ATP8A1: variants seen among roughly 807,000 people sequenced by gnomAD.
ATP8A1 encodes the protein phospholipid-transporting ATPase IA.
A neutral mutation model predicts 177.7 loss-of-function variants in ATP8A1; 90 were observed. The observed-to-expected ratio is 0.51, with a 90% CI of 0.43 to 0.60. The LOEUF is 0.60. Ranked by LOEUF, ATP8A1 falls within the 20% of genes least tolerant of loss-of-function variation. The pLI is 0.00. For missense variants in ATP8A1, 1,072 were observed against 1,392.8 expected, an observed-to-expected ratio of 0.77 and a Z score of 3.67; for synonymous variants, 493 against 485.9, an observed-to-expected ratio of 1.01 and a Z score of -0.19.
intron 19 of ATP8A1, 147 bp from the exon 20 acceptor site, chr4:42,544,133 C>T (rs1193378113): frequency 1.6e-6 from 1 of 632,790 alleles, no homozygotes; most frequent in African/African-American, 1.9e-5. Context: ...CACAAACTAT[C>T]CCTTGGGTGT....
chr4:42,619,059 T>TC (rs1737190850), intron 4 of ATP8A1, among the ~76,000 whole-genome samples: 2 of 151,632 alleles, frequency 1.3e-5, no homozygotes, highest in Non-Finnish European at 2.9e-5. Flanking sequence ...ATTTTTTTGT[T>TC]TTTTTTTTGA....
At chr4:42,641,934 C>T (rs1740033454) in intron 1 of ATP8A1, among the ~76,000 whole-genome samples, 1 of 152,102 alleles carries the variant, frequency 6.6e-6, no homozygotes, top group Non-Finnish European at 1.5e-5. Context: ...GTTTAACTGG[C>T]ACCTGCTTCT....
intron 16 of ATP8A1, among the ~76,000 whole-genome samples, chr4:42,555,645 G>A (rs574499141): frequency 1.2e-4 from 18 of 152,124 alleles, no homozygotes; most frequent in African/African-American, 1.7e-4. Flanking sequence ...CCAACATGGC[G>A]AAACCCTGTC....
In ATP8A1 at chr4:42,422,918, AG is replaced by A; in HGVS notation, c.3213-20del. 6.3e-7 allele frequency: 1 copy of A among 1,579,240 alleles called. No homozygotes were observed. On this transcript the variant is annotated intron_variant, in intron 34 of 36. Coordinates refer to ENST00000381668, the MANE Select transcript of ATP8A1 (RefSeq NM_006095.2). ...CTTGATACTGCAAAAAGAAAAAAAA[AG>A]GGATTTGCATGGAAATACTTCTGTG...
At chr4:42,507,262 A>G in intron 22 of ATP8A1, 108 bp from the exon 23 acceptor site, 4 of 1,172,966 alleles carry the variant, frequency 3.4e-6, no homozygotes, top group African/African-American at 1.5e-5. Flanking sequence ...ATGATAATTC[A>G]TGGACTTTGG....
intron 30 of ATP8A1, among the ~76,000 whole-genome samples, chr4:42,448,529 T>A (rs1717555109): frequency 6.7e-6 from 1 of 149,536 alleles, no homozygotes; most frequent in South Asian, 2.1e-4. Context: ...TCTTGAGTAG[T>A]TGGGGTTACA....
chr4:42,568,957 A>G (rs1025864611), intron 15 of ATP8A1, among the ~76,000 whole-genome samples: 1 of 152,132 alleles, frequency 6.6e-6, no homozygotes, highest in Non-Finnish European at 1.5e-5. Flanking sequence ...TAATCTATAA[A>G]CTACATGTTT....
chr4:42,643,242 GA>G (rs1740186799), intron 1 of ATP8A1, among the ~76,000 whole-genome samples: 1 of 152,062 alleles, frequency 6.6e-6, no homozygotes, highest in Non-Finnish European at 1.5e-5. Flanking sequence ...AAATTCTAAA[GA>G]ATATTCAGAG....
chr4:42,418,615 C>T (rs2153166627), intron 35 of ATP8A1, among the ~76,000 whole-genome samples: 1 of 152,260 alleles, frequency 6.6e-6, no homozygotes, highest in Admixed American at 6.5e-5. Context: ...AGTCATGAGG[C>T]AGCAAGGTTT....
At chr4:42,654,602 A>T (rs1354558764) in intron 1 of ATP8A1, among the ~76,000 whole-genome samples, 1 of 152,130 alleles carries the variant, frequency 6.6e-6, no homozygotes, top group Non-Finnish European at 1.5e-5. Flanking sequence ...ATGACTTATT[A>T]TGGCCACCCA....
chr4:42,491,649 T>C lies in ATP8A1; in HGVS notation c.2152-5981A>G, dbSNP rs185839675. ...TTTGGAAAGTATCATAGCATGCAAGTTGTCATTTTCATTTTGGCAAAACTC... is the reference window on the plus strand; with the variant it reads ...TTTGGAAAGTATCATAGCATGCAAGCTGTCATTTTCATTTTGGCAAAACTC... On this transcript the variant is annotated intron_variant, in intron 24 of 36. Transcript: ENST00000381668. 4.1e-3 allele frequency among the ~76,000 whole-genome samples: 629 copies of C among 152,278 alleles called. 2 individuals are homozygous for C. The highest frequency in any genetic ancestry group is 7.9e-3 in the Admixed American group (120 of 15,282).
intron 6 of ATP8A1, among the ~76,000 whole-genome samples, chr4:42,595,240 C>T (rs538793992): frequency 6.6e-6 from 1 of 152,244 alleles, no homozygotes; most frequent in Admixed American, 6.5e-5. Flanking sequence ...TCTTCCCCCT[C>T]CCTACTTTTC....
intron 25 of ATP8A1, among the ~76,000 whole-genome samples, chr4:42,467,502 G>T (rs1560357429): frequency 6.6e-6 from 1 of 152,062 alleles, no homozygotes; most frequent in Non-Finnish European, 1.5e-5. Flanking sequence ...GACCAGCCTG[G>T]GCAACATGGT....
At chr4:42,520,662 G>A (rs1726022994) in intron 22 of ATP8A1, among the ~76,000 whole-genome samples, 1 of 152,028 alleles carries the variant, frequency 6.6e-6, no homozygotes, top group Admixed American at 6.5e-5. Context: ...CATTTAGGGT[G>A]GGAGTATCAT....
At chr4:42,426,163 G>A (rs1050993122) in intron 33 of ATP8A1, among the ~76,000 whole-genome samples, 4 of 152,170 alleles carry the variant, frequency 2.6e-5, no homozygotes, top group African/African-American at 4.8e-5. Context: ...GGGCATGACC[G>A]ATAAGAGGGG....
At chr4:42,562,985 T>C (rs1221910019) in intron 15 of ATP8A1, among the ~76,000 whole-genome samples, 5 of 152,194 alleles carry the variant, frequency 3.3e-5, no homozygotes, top group Non-Finnish European at 1.5e-5. Context: ...ATACATTAAA[T>C]TGATACTAGT....
In ATP8A1 at chr4:42,639,341, C is replaced by T. The variant is rs367837588; in HGVS notation, c.50-12232G>A. Among the ~76,000 whole-genome samples the T allele has an allele frequency of 1.0e-3, 159 of 152,232 alleles. 5 individuals carry two copies. The South Asian group carries it at 0.031, about 30-fold the overall frequency. On this transcript the variant is annotated intron_variant, in intron 1 of 36. Coordinates refer to ENST00000381668, the MANE Select transcript of ATP8A1 (RefSeq NM_006095.2). Reference sequence around the variant, plus strand: ...GTTGTAAAAAACGTTAGAGACCACTCGATTTTTCCCCCTTTCATCTGGGAC... The same window carrying T: ...GTTGTAAAAAACGTTAGAGACCACTTGATTTTTCCCCCTTTCATCTGGGAC...
chr4:42,453,812 A>G (rs1718194787), intron 29 of ATP8A1, among the ~76,000 whole-genome samples: 1 of 152,142 alleles, frequency 6.6e-6, no homozygotes, highest in African/African-American at 2.4e-5. Context: ...TAGTATACCA[A>G]CCAGTAGACC....
At chr4:42,656,380 C>T (rs186890866) in intron 1 of ATP8A1, among the ~76,000 whole-genome samples, 37 of 152,314 alleles carry the variant, frequency 2.4e-4, no homozygotes, top group African/African-American at 7.7e-4. Flanking sequence ...CTTCGAGAGC[C>T]AAGGGACTAC....
Sources: allele counts gnomAD v4.1 joint callset (sites outside exome capture counted in the v4.1 genomes callset), GRCh38; gene constraint gnomAD v4.1.1; transcripts MANE v1.5; gene names NCBI Gene and HGNC (gene_info 2026-07-23, HGNC 2026-07-21).